Variants in SGCB observed in about 807,000 individuals in gnomAD.
SGCB encodes beta-sarcoglycan.
Under a neutral mutation model 27.3 loss-of-function variants are expected in SGCB, and 25 were observed. The observed-to-expected ratio is 0.92, with a 90% CI of 0.67 to 1.28. SGCB has a LOEUF of 1.28. Among genes scored for constraint, SGCB ranks in the 50% most tolerant of loss-of-function variants. The probability of loss-of-function intolerance (pLI) is 0.00; values close to 1 mark genes in which losing one functional copy is unlikely to be tolerated. For synonymous variants in SGCB, 147 were observed against 133.5 expected, an observed-to-expected ratio of 1.10 and a Z score of -0.70; for missense variants, 436 against 402.1, an observed-to-expected ratio of 1.08 and a Z score of -0.72.
chr4:52,028,143 A>G, intron 4 of SGCB, 44 bp from the exon 5 acceptor site: 1 of 1,468,350 alleles, frequency 6.8e-7, no homozygotes, highest in Non-Finnish European at 9.5e-7. Context: ...TTCTAAATTA[A>G]TGTGAGAATT....
At chr4:52,027,173 T>C (rs1342524618) in intron 5 of SGCB, among the ~76,000 whole-genome samples, 1 of 152,192 alleles carries the variant, frequency 6.6e-6, no homozygotes, top group Non-Finnish European at 1.5e-5. Context: ...TGTCATGTAA[T>C]ACTTGGTAAG....
At chr4:52,031,905 A>G (rs1206001387) in intron 2 of SGCB, 6 of 455,778 alleles carry the variant, frequency 1.3e-5, no homozygotes, top group Non-Finnish European at 2.6e-5. Flanking sequence ...TCTTTTTTCT[A>G]TATGCATCAG....
In SGCB at chr4:52,022,973, ATCT is replaced by A. The variant is rs755043957; in HGVS notation, c.*981_*983del. The A allele has an allele frequency of 6.6e-6, 1 of 152,194 alleles. No individual in the cohort carries two copies. Among genetic ancestry groups the A allele is most frequent in the Non-Finnish European group, 1.5e-5 (1 of 68,026 alleles). 9.4% of individuals were successfully genotyped at this position (152,194 alleles called of 1,614,324 possible). On this transcript the variant is annotated 3_prime_UTR_variant, in exon 6 of 6. Coordinates refer to ENST00000381431, the MANE Select transcript of SGCB (RefSeq NM_000232.5). Reference sequence around the variant, plus strand: ...AGCATATCTGTTTTGTTTGATTCTCATCTTCTTAGGTAAGTTTAAATTAACCTT... The same window carrying A: ...AGCATATCTGTTTTGTTTGATTCTCATCTTAGGTAAGTTTAAATTAACCTT...
At chr4:52,035,353 G>A (rs576359132) in intron 1 of SGCB, among the ~76,000 whole-genome samples, 5 of 152,272 alleles carry the variant, frequency 3.3e-5, no homozygotes. Context: ...GTATGTTCAG[G>A]TGCCAAAATC....
chr4:52,025,177 T>C (rs1469089556), intron 5 of SGCB, among the ~76,000 whole-genome samples: 4 of 152,292 alleles, frequency 2.6e-5, no homozygotes, highest in Non-Finnish European at 5.9e-5. Flanking sequence ...CCCAAGTTCT[T>C]ATTGAGTTGA....
At chr4:52,031,546 C>T (rs1401771409) in intron 2 of SGCB, among the ~76,000 whole-genome samples, 3 of 151,722 alleles carry the variant, frequency 2.0e-5, no homozygotes, top group African/African-American at 7.3e-5. Flanking sequence ...GCCACTGTGC[C>T]TGGCTTGTGC....
At chr4:52,031,824 C>T (rs1233335770) in intron 2 of SGCB, 1 of 446,586 alleles carries the variant, frequency 2.2e-6, no homozygotes, top group African/African-American at 2.0e-5. Context: ...GGGCTTGTGA[C>T]TGACAGGTGT....
At chr4:52,025,507 T>A (rs1272213554) in intron 5 of SGCB, among the ~76,000 whole-genome samples, 1 of 152,162 alleles carries the variant, frequency 6.6e-6, no homozygotes, top group Non-Finnish European at 1.5e-5. Context: ...GAGGCCAGTG[T>A]GGAAGAAGCA....
chr4:52,031,693 T>C (rs1737251758), intron 2 of SGCB, among the ~76,000 whole-genome samples: 1 of 152,106 alleles, frequency 6.6e-6, no homozygotes, highest in Admixed American at 6.5e-5. Context: ...ATTTTTTCCA[T>C]GGTTTAGGAG....
chr4:52,029,261 G>C lies in SGCB; in HGVS notation c.430-340C>G, dbSNP rs1254172555. Among the ~76,000 whole-genome samples, 6 of 152,254 alleles carry C rather than the reference G, an allele frequency of 3.9e-5. No homozygotes were observed. The East Asian group carries it at 1.2e-3, about 29-fold the overall frequency. The stretch of plus-strand genomic sequence containing the variant: ...AACTATGTTTTCAGCTCTTGGCATG[G>C]GATGCCACTGACTAGATTGGCATAT... On this transcript the variant is annotated intron_variant, in intron 3 of 5. Transcript: ENST00000381431.
At position 52,021,136 on chromosome 4, in the gene SGCB, C is replaced by CT. The variant is rs1180265425; in HGVS notation, c.*2820dup. ...TCTTGCATTGATTTCATTTGCCCCC[C>CT]TTGTCATTGCAACCCGTCTCTAGAA... On this transcript the variant is annotated 3_prime_UTR_variant, in exon 6 of 6. Coordinates refer to ENST00000381431, the MANE Select transcript of SGCB (RefSeq NM_000232.5). 6.6e-6 allele frequency: 1 copy of CT among 152,114 alleles called. No individual in the cohort carries two copies. The highest frequency in any genetic ancestry group is 1.5e-5 in the Non-Finnish European group (1 of 68,032). The allele number at this position is 152,114 out of a possible 1,614,324, so 9.4% of individuals were successfully genotyped here. A position where few individuals can be genotyped will look rare whatever the true frequency, so the allele number is the denominator to read the frequency against.
At position 52,022,998 on chromosome 4, in the gene SGCB, C is replaced by A. The variant is rs1180048062; in HGVS notation, c.*959G>T. The A allele has an allele frequency of 6.6e-6, 1 of 152,102 alleles. No individual in the cohort carries two copies. Among genetic ancestry groups the A allele is most frequent in the Non-Finnish European group, 1.5e-5 (1 of 68,010 alleles). The allele number at this position is 152,102 out of a possible 1,614,324, so 9.4% of individuals were successfully genotyped here. ...ATCTTCTTAGGTAAGTTTAAATTAA[C>A]CTTTGTTCATCTTTCTAGAGTTTTA... is the stretch of plus-strand genomic sequence containing the variant. On this transcript the variant is annotated 3_prime_UTR_variant, in exon 6 of 6. Coordinates refer to ENST00000381431, the MANE Select transcript of SGCB (RefSeq NM_000232.5).
rs562376661 is a variant in SGCB, at chr4:52,028,613, G to A, written c.621+117C>T. On this transcript the variant is annotated intron_variant, in intron 4 of 5. Transcript: ENST00000381431. ...ATCGCGCCACTGCACTCCAGCCTGG[G>A]CGACAGAGCGAAACTCCGTCTCAAA... The A allele has an allele frequency of 1.6e-3, 1,254 of 780,966 alleles. 5 individuals carry two copies. Among genetic ancestry groups the A allele is most frequent in the Non-Finnish European group, 2.1e-3 (985 of 471,550 alleles). 48.4% of individuals were successfully genotyped at this position (780,966 alleles called of 1,614,324 possible). A position where few individuals can be genotyped will look rare whatever the true frequency, so the allele number is the denominator to read the frequency against.
At chr4:52,036,847 C>A (rs1357127451) in intron 1 of SGCB, among the ~76,000 whole-genome samples, 1 of 152,154 alleles carries the variant, frequency 6.6e-6, no homozygotes, top group African/African-American at 2.4e-5. Context: ...CTTAAAATGG[C>A]CTTGGTCCTA....
intron 1 of SGCB, among the ~76,000 whole-genome samples, chr4:52,036,101 G>T (rs1003218895): frequency 2.0e-5 from 3 of 152,192 alleles, no homozygotes; most frequent in African/African-American, 7.2e-5. Flanking sequence ...TGCTGTAGTG[G>T]AGCAATGCAT....
chr4:52,030,904 C>T (rs116814268), intron 2 of SGCB, among the ~76,000 whole-genome samples: 1,737 of 152,232 alleles, frequency 0.011, 37 homozygotes, highest in African/African-American at 0.036. Context: ...TATTTGATTG[C>T]TGGACTGGCT....
chr4:52,032,954 G>A (rs892739436), intron 2 of SGCB, among the ~76,000 whole-genome samples: 4 of 152,100 alleles, frequency 2.6e-5, no homozygotes, highest in East Asian at 3.8e-4. Context: ...CTTTGACAAC[G>A]GGGACTTAGG....
At position 52,029,758 on chromosome 4, in the gene SGCB, C is replaced by T; in HGVS notation, c.349G>A (p.Gly117Arg). 2 of 1,613,590 alleles carry T rather than the reference C, an allele frequency of 1.2e-6. No homozygotes were observed. Among genetic ancestry groups the T allele is most frequent in the South Asian group, 1.1e-5 (1 of 91,060 alleles). Residue 117 changes from glycine (G) to arginine (R), a missense_variant, in exon 3 of 6, where the codon GGA (glycine) becomes AGA (arginine). Transcript: ENST00000381431. Reference sequence around the variant, plus strand: ...CTTTTATAAAGAGGGTGGATCACTCCCATGTCAGATACTTGCTTAAATCGA... The same window carrying T: ...CTTTTATAAAGAGGGTGGATCACTCTCATGTCAGATACTTGCTTAAATCGA... Reference protein sequence around the residue: ...LLRFKQVSDMGVIHPLYKSTV... With the variant: ...LLRFKQVSDMRVIHPLYKSTV...
chr4:52,022,258 G>T lies in SGCB; in HGVS notation c.*1699C>A, dbSNP rs1440379297. On this transcript the variant is annotated 3_prime_UTR_variant, in exon 6 of 6. Coordinates refer to ENST00000381431, the MANE Select transcript of SGCB (RefSeq NM_000232.5). ...AATTAATGACTTCATAATCTCTAAG[G>T]TATTTGATTTTTCTACCAGAGAGAA... The T allele has an allele frequency of 6.6e-6, 1 of 152,158 alleles. No homozygotes were observed. Among genetic ancestry groups the T allele is most frequent in the Admixed American group, 6.5e-5 (1 of 15,276 alleles). The allele number at this position is 152,158 out of a possible 1,614,324, so 9.4% of individuals were successfully genotyped here. A position where few individuals can be genotyped will look rare whatever the true frequency, so the allele number is the denominator to read the frequency against.
Sources: gnomAD v4.1 joint callset for allele counts (sites outside exome capture counted in the v4.1 genomes callset) on GRCh38, gnomAD v4.1.1 for gene constraint, MANE v1.5 for transcripts, NCBI Gene and HGNC (gene_info 2026-07-23, HGNC 2026-07-21) for gene names.